The following ANKS1B variants were observed in gnomAD, a reference collection of about 807,000 sequenced individuals.
ANKS1B encodes ankyrin repeat and sterile alpha motif domain-containing protein 1B.
Under a neutral mutation model 148.3 loss-of-function variants are expected in ANKS1B, and 36 were observed. The ratio of observed to expected loss-of-function variants is 0.24; its 90% CI spans 0.19 to 0.32. The LOEUF (loss-of-function observed/expected upper bound fraction) is 0.32, where lower values mean the gene tolerates loss of function less well. Ranked by LOEUF, ANKS1B falls within the 10% of genes least tolerant of loss-of-function variation. ANKS1B has a pLI of 1.00. For missense variants in ANKS1B, 1,157 were observed against 1,542.6 expected, an observed-to-expected ratio of 0.75 and a Z score of 4.19; for synonymous variants, 542 against 560.8, an observed-to-expected ratio of 0.97 and a Z score of 0.47.
chr12:98,842,209 A>C (rs2099410628), intron 17 of ANKS1B, among the ~76,000 whole-genome samples: 1 of 152,252 alleles, frequency 6.6e-6, no homozygotes, highest in South Asian at 2.1e-4. Flanking sequence ...AGTAAAATAC[A>C]GTATATTCAT....
At chr12:99,593,419 A>G (rs1398713285) in intron 9 of ANKS1B, among the ~76,000 whole-genome samples, 1 of 152,172 alleles carries the variant, frequency 6.6e-6, no homozygotes, top group African/African-American at 2.4e-5. Context: ...CAGAAGCACA[A>G]TAATATAATT....
chr12:98,794,198 C>T (rs1049613820), intron 22 of ANKS1B, among the ~76,000 whole-genome samples: 22 of 151,996 alleles, frequency 1.4e-4, no homozygotes, highest in Non-Finnish European at 1.0e-4. Flanking sequence ...TCGAGACCAG[C>T]CTGGCCAACA....
In ANKS1B at chr12:99,327,399, ATAT is replaced by A. The variant is rs1455036929; in HGVS notation, c.1756+72229_1756+72231del. 1.3e-4 allele frequency among the ~76,000 whole-genome samples: 16 copies of A among 122,834 alleles called. No individual in the cohort carries two copies. In the South Asian group the frequency reaches 2.4e-3, roughly 18 times the overall value. 80.6% of individuals were successfully genotyped at this position (122,834 alleles called of 152,430 possible). A position where few individuals can be genotyped will look rare whatever the true frequency, so the allele number is the denominator to read the frequency against. ...ATATATAATTATATATTATAATTAC[ATAT>A]TATATATAATTATATATTATATTGT... On this transcript the variant is annotated intron_variant, in intron 12 of 26. Coordinates refer to ENST00000683438, the MANE Select transcript of ANKS1B (RefSeq NM_001352186.2).
intron 17 of ANKS1B, among the ~76,000 whole-genome samples, chr12:99,035,859 T>G (rs916527783): frequency 7.2e-5 from 11 of 152,150 alleles, no homozygotes; most frequent in Non-Finnish European, 1.0e-4. Flanking sequence ...GATAAGCACG[T>G]GGCCATGGCT....
At chr12:99,011,619 T>C (rs2153412484) in intron 17 of ANKS1B, among the ~76,000 whole-genome samples, 1 of 152,204 alleles carries the variant, frequency 6.6e-6, no homozygotes, top group East Asian at 1.9e-4. Flanking sequence ...AATTACAACG[T>C]GCTCGCACAT....
At chr12:98,908,035 C>T (rs1276057551) in intron 17 of ANKS1B, among the ~76,000 whole-genome samples, 3 of 152,148 alleles carry the variant, frequency 2.0e-5, no homozygotes, top group Non-Finnish European at 4.4e-5. Context: ...AGTGTGAGAA[C>T]AGACTGATAC....
At chr12:99,728,556 C>T (rs1052250661) in intron 8 of ANKS1B, among the ~76,000 whole-genome samples, 9 of 152,024 alleles carry the variant, frequency 5.9e-5, no homozygotes, top group African/African-American at 1.4e-4. Flanking sequence ...CCATTGTGGA[C>T]GACAGTATGG....
chr12:99,893,408 C>T (rs1341784133), intron 1 of ANKS1B, among the ~76,000 whole-genome samples: 1 of 85,754 alleles, frequency 1.2e-5, no homozygotes, highest in Admixed American at 1.1e-4. Context: ...GAGACTCCAT[C>T]TCAAAAAAAA....
In ANKS1B at chr12:99,984,882, C is replaced by T. The variant is rs1199101333; in HGVS notation, c.-645G>A. Among the ~76,000 whole-genome samples, 1 of 148,136 alleles carries T rather than the reference C, an allele frequency of 6.8e-6. No homozygotes were observed. The highest frequency in any genetic ancestry group is 2.4e-5 in the African/African-American group (1 of 40,974). ...GCGGCGAGGCCTGGCGCGCGGGGGG[C>T]GTGTGCGCGCGGGCAGGTGCGGCCC... On this transcript the variant is annotated 5_prime_UTR_variant, in exon 1 of 27. Transcript: ENST00000683438.
chr12:98,814,147 T>C (rs967867390), intron 19 of ANKS1B, among the ~76,000 whole-genome samples: 3 of 152,110 alleles, frequency 2.0e-5, no homozygotes, highest in African/African-American at 7.2e-5. Context: ...CCCAAAGTGC[T>C]TGGATTACAG....
chr12:99,249,771 A>G lies in ANKS1B; in HGVS notation c.1757-2907T>C, dbSNP rs560644929. Among the ~76,000 whole-genome samples, 23 of 152,294 alleles carry G rather than the reference A, an allele frequency of 1.5e-4. No individual in the cohort carries two copies. In the South Asian group the frequency reaches 3.1e-3, roughly 21 times the overall value. On this transcript the variant is annotated intron_variant, in intron 12 of 26. Coordinates refer to ENST00000683438, the MANE Select transcript of ANKS1B (RefSeq NM_001352186.2). ...GTGGCCATGTGCCTTGTACCGCTCA[A>G]TCAGACTGCAGCAAATGTGATATAA...
chr12:99,303,302 A>T (rs1241529844), intron 12 of ANKS1B, among the ~76,000 whole-genome samples: 1 of 152,198 alleles, frequency 6.6e-6, no homozygotes, highest in African/African-American at 2.4e-5. Context: ...TCTGTTCCAG[A>T]TACTTACTTT....
At chr12:99,739,518 T>C (rs2059906738) in intron 8 of ANKS1B, among the ~76,000 whole-genome samples, 2 of 152,140 alleles carry the variant, frequency 1.3e-5, no homozygotes, top group South Asian at 2.1e-4. Context: ...TTTATAATCA[T>C]ATATGAATAA....
chr12:99,633,600 C>T lies in ANKS1B; in HGVS notation c.1272+21467G>A, dbSNP rs530927556. ...GGCAAGGACTTCATGTCTAAAACACCAAAAGCAATGGCAATAAAAGCCAAA... is the reference window on the plus strand; with the variant it reads ...GGCAAGGACTTCATGTCTAAAACACTAAAAGCAATGGCAATAAAAGCCAAA... On this transcript the variant is annotated intron_variant, in intron 9 of 26. Coordinates refer to ENST00000683438, the MANE Select transcript of ANKS1B (RefSeq NM_001352186.2). Among the ~76,000 whole-genome samples, 212 of 152,182 alleles carry T rather than the reference C, an allele frequency of 1.4e-3. 3 individuals carry two copies. Among genetic ancestry groups the T allele is most frequent in the South Asian group, 0.012 (58 of 4,816 alleles).
intron 14 of ANKS1B, among the ~76,000 whole-genome samples, chr12:99,178,488 G>C (rs1179104214): frequency 3.3e-5 from 5 of 152,182 alleles, no homozygotes; most frequent in Non-Finnish European, 5.9e-5. Context: ...AATCTGGGCA[G>C]GCATGTGAAT....
intron 10 of ANKS1B, among the ~76,000 whole-genome samples, chr12:99,501,178 G>T (rs186032097): frequency 6.6e-6 from 1 of 151,434 alleles, no homozygotes; most frequent in African/African-American, 2.4e-5. Flanking sequence ...TCTTTATAAT[G>T]GCACAGTCAT....
At chr12:99,629,821 AT>A (rs1305277164) in intron 9 of ANKS1B, among the ~76,000 whole-genome samples, 5 of 152,158 alleles carry the variant, frequency 3.3e-5, no homozygotes, top group African/African-American at 1.2e-4. Flanking sequence ...CTTTAAAAAC[AT>A]TCTCTAATTT....
chr12:99,977,427 G>T (rs144887011), intron 1 of ANKS1B, among the ~76,000 whole-genome samples: 1 of 152,140 alleles, frequency 6.6e-6, no homozygotes, highest in Non-Finnish European at 1.5e-5. Flanking sequence ...GCGATTACAG[G>T]TGTGAGCCAC....
At chr12:98,882,241 G>A (rs2099709847) in intron 17 of ANKS1B, among the ~76,000 whole-genome samples, 1 of 152,108 alleles carries the variant, frequency 6.6e-6, no homozygotes, top group African/African-American at 2.4e-5. Context: ...TCTACACCAA[G>A]TGCTACTTTC....
Sources: gnomAD v4.1 joint callset for allele counts (sites outside exome capture counted in the v4.1 genomes callset) on GRCh38, gnomAD v4.1.1 for gene constraint, MANE v1.5 for transcripts, NCBI Gene and HGNC (gene_info 2026-07-23, HGNC 2026-07-21) for gene names.